SEPTIN8: variants seen among roughly 807,000 people sequenced by gnomAD.
SEPTIN8 encodes septin 8, also known as septin-8.
In SEPTIN8, 22 loss-of-function variants were observed where a neutral mutation model predicts 53.1. That is an observed-to-expected ratio of 0.41 (90% CI 0.30 to 0.59). SEPTIN8 has a LOEUF of 0.59. Among genes scored for constraint, SEPTIN8 ranks in the 20% least tolerant of loss-of-function variants. The pLI, the probability that SEPTIN8 is intolerant of heterozygous loss-of-function variation, is 0.24. For synonymous variants in SEPTIN8, 228 were observed against 248.4 expected, an observed-to-expected ratio of 0.92 and a Z score of 0.77; for missense variants, 536 against 638.7, an observed-to-expected ratio of 0.84 and a Z score of 1.73.
At position 132,760,917 on chromosome 5, in the gene SEPTIN8, G is replaced by T; in HGVS notation, c.1171C>A (p.Leu391Met). The change falls in exon 9 of 10, where the codon CTG becomes ATG. Residue 391 changes from leucine to methionine, a missense_variant. By Grantham distance (15) the Leu-to-Met change is conservative (BLOSUM62 2). Coordinates refer to ENST00000378719, the MANE Select transcript of SEPTIN8 (RefSeq NM_001098811.2). The surrounding 1 kb of genome is among the most constrained non-coding windows in gnomAD (Gnocchi z 5.2). ...TTGAAGGCGTTGGTCTCCTCCTCCAGTTCCCGGCGCTTTTCCTCCACCTTG... is the reference window on the plus strand; with the variant it reads ...TTGAAGGCGTTGGTCTCCTCCTCCATTTCCCGGCGCTTTTCCTCCACCTTG... ...KRKVEEKRRE[L>M]EEETNAFNRR... is the part of the protein sequence containing the mutation. The T allele has an allele frequency of 6.2e-7, 1 of 1,607,342 alleles. No homozygotes were observed. The highest frequency in any genetic ancestry group is 8.5e-7 in the Non-Finnish European group (1 of 1,177,772).
intron 9 of SEPTIN8, chr5:132,756,262 C>G: frequency 1.0e-6 from 1 of 985,340 alleles, no homozygotes; most frequent in Non-Finnish European, 1.2e-6. Context: ...ATCAGGGTAC[C>G]CACAACTAGA....
intron 9 of SEPTIN8, among the ~76,000 whole-genome samples, chr5:132,759,424 A>T (rs1237872586): frequency 6.6e-6 from 1 of 152,104 alleles, no homozygotes; most frequent in Non-Finnish European, 1.5e-5. Context: ...GCCTGCCTGC[A>T]CCCACCTTCA....
rs1581144239 is a variant in SEPTIN8, at chr5:132,758,673, G to A, written c.1286+2129C>T. On this transcript the variant is annotated intron_variant, in intron 9 of 9. Transcript: ENST00000378719. ...AGCCTGGGGCCAGGGTCGGTGGGAG[G>A]AAAGCAAGGCTGTAAACACTGGAGT... 3 of 1,594,598 alleles carry A rather than the reference G, an allele frequency of 1.9e-6. No individual in the cohort carries two copies. In the East Asian group the frequency reaches 6.8e-5, roughly 36 times the overall value.
At position 132,751,248 on chromosome 5, in the gene SEPTIN8, G is replaced by A. The variant is rs1754819941; in HGVS notation, c.*768C>T. On this transcript the variant is annotated 3_prime_UTR_variant, in exon 10 of 10. Coordinates refer to ENST00000378719, the MANE Select transcript of SEPTIN8 (RefSeq NM_001098811.2). ...AAAGATTTTTAGACGGCACTATTAT[G>A]GTGAGTTTCTCTTTTAAATACACAC... The A allele has an allele frequency of 4.9e-6, 2 of 404,298 alleles. No homozygotes were observed. The highest frequency in any genetic ancestry group is 8.2e-5 in the Admixed American group (2 of 24,286). The allele number at this position is 404,298 out of a possible 1,614,324, so 25.0% of individuals were successfully genotyped here. A position where few individuals can be genotyped will look rare whatever the true frequency, so the allele number is the denominator to read the frequency against.
upstream of SEPTIN8, chr5:132,777,456 G>A (rs915917412): frequency 4.0e-6 from 4 of 988,340 alleles, no homozygotes; most frequent in South Asian, 4.7e-5. The surrounding 1 kb of genome is among the most constrained non-coding windows in gnomAD (Gnocchi z 4.1). Context: ...GCGCGTTGGG[G>A]GACCGGGACG....
In SEPTIN8 at chr5:132,761,859, T is replaced by A. The variant is rs531657520; in HGVS notation, c.734A>T (p.Glu245Val). 6.9e-6 allele frequency: 11 copies of A among 1,604,422 alleles called. No homozygotes were observed. The highest frequency in any genetic ancestry group is 5.3e-5 in the African/African-American group (4 of 74,822). ...GACCAGCTTGTTCCCCACCTTCACCTCCTCGGTGCTGCCCACCACGGCAAA... is the reference window on the plus strand; with the variant it reads ...GACCAGCTTGTTCCCCACCTTCACCACCTCGGTGCTGCCCACCACGGCAAA... ...LPFAVVGSTEEVKVGNKLVRA... is the reference protein window; with the variant it reads ...LPFAVVGSTEVVKVGNKLVRA... The change falls in exon 6 of 10, where the codon GAG becomes GTG. Residue 245 changes from glutamate (E) to valine (V), a missense_variant. Around this residue, in one of 3 missense-constraint regions of SEPTIN8, gnomAD observed 395 missense variants for 451.8 expected, o/e 0.87. Coordinates refer to ENST00000378719, the MANE Select transcript of SEPTIN8 (RefSeq NM_001098811.2). The surrounding 1 kb of genome is among the most constrained non-coding windows in gnomAD (Gnocchi z 5.8).
intron 9 of SEPTIN8, chr5:132,756,643 G>T: frequency 1.0e-6 from 1 of 985,470 alleles, no homozygotes; most frequent in Non-Finnish European, 1.2e-6. Flanking sequence ...ACAAACAGCA[G>T]GGGAGAGGTG....
upstream of SEPTIN8, chr5:132,777,656 A>G (rs1757927275): frequency 8.1e-6 from 8 of 985,410 alleles, no homozygotes; most frequent in Middle Eastern, 5.2e-4. The surrounding 1 kb of genome is among the most constrained non-coding windows in gnomAD (Gnocchi z 4.1). Flanking sequence ...GGAGCCTGCA[A>G]ATGTGCTGGG....
chr5:132,766,165 C>T (rs976474228), intron 1 of SEPTIN8, among the ~76,000 whole-genome samples: 2 of 152,060 alleles, frequency 1.3e-5, no homozygotes, highest in African/African-American at 4.8e-5. Flanking sequence ...ACTCACACAA[C>T]CCCCCCGTGG....
chr5:132,754,306 G>A (rs1300194613), intron 9 of SEPTIN8: 8 of 678,848 alleles, frequency 1.2e-5, no homozygotes, highest in Non-Finnish European at 2.2e-5. Flanking sequence ...CTGAGGCCAT[G>A]CTGCTCACAG....
intron 9 of SEPTIN8, chr5:132,752,801 C>A: frequency 7.0e-7 from 1 of 1,420,814 alleles, no homozygotes; most frequent in Non-Finnish European, 9.9e-7. Context: ...TTTTGGCACT[C>A]AATTGCCAAT....
chr5:132,763,992 C>A, intron 3 of SEPTIN8, 100 bp from the exon 4 acceptor site: 1 of 1,269,910 alleles, frequency 7.9e-7, no homozygotes, highest in Non-Finnish European at 1.1e-6. Flanking sequence ...GCCCCCTGGC[C>A]TTTTCTTTCT....
intron 9 of SEPTIN8, chr5:132,754,229 A>G: frequency 1.8e-6 from 1 of 569,370 alleles, no homozygotes; most frequent in South Asian, 2.4e-5. Flanking sequence ...ATACATTTGG[A>G]ACACTATCTC....
rs141664835 is a variant in SEPTIN8, at chr5:132,750,963, T to C, written c.*1053A>G. The C allele has an allele frequency of 1.7e-4, 277 of 1,614,118 alleles. No individual in the cohort carries two copies. Among genetic ancestry groups the C allele is most frequent in the Non-Finnish European group, 2.1e-4 (248 of 1,180,040 alleles). On this transcript the variant is annotated 3_prime_UTR_variant, in exon 10 of 10. Coordinates refer to ENST00000378719, the MANE Select transcript of SEPTIN8 (RefSeq NM_001098811.2). ...ATTCTGGACAGACTGCACTGGGACC[T>C]CTATATTGGGACGCCGCTGGACTTC...
upstream of SEPTIN8, among the ~76,000 whole-genome samples, chr5:132,778,397 C>T (rs953918190): frequency 1.4e-4 from 22 of 152,298 alleles, no homozygotes; most frequent in African/African-American, 5.1e-4. Flanking sequence ...AAGAGGAGCC[C>T]CCTCTCTGCT....
intron 4 of SEPTIN8, 31 bp from the exon 5 acceptor site, chr5:132,762,676 T>C: frequency 6.2e-7 from 1 of 1,613,354 alleles, no homozygotes; most frequent in Non-Finnish European, 8.5e-7. Flanking sequence ...GACAGCAGGC[T>C]GGTTGGCTCT....
intron 9 of SEPTIN8, chr5:132,755,929 C>T: frequency 2.1e-6 from 2 of 970,676 alleles, no homozygotes; most frequent in Non-Finnish European, 2.4e-6. Context: ...TATTTTACCA[C>T]AGTTGTAGCA....
intron 9 of SEPTIN8, chr5:132,757,825 T>C: frequency 2.0e-6 from 2 of 985,480 alleles, no homozygotes; most frequent in South Asian, 9.4e-5. Flanking sequence ...CCGCTCATTT[T>C]TCCCTAATTG....
Position 132,765,514 on chromosome 5 carries a change from G to C in SEPTIN8, c.46C>G (p.Pro16Ala). Reference sequence around the variant, plus strand: ...TGGCCGCCCAGGGAGAGGCTCCGGGGCTCTGGCTCTGCATTCTGCCAAGAG... The same window carrying C: ...TGGCCGCCCAGGGAGAGGCTCCGGGCCTCTGGCTCTGCATTCTGCCAAGAG... ...LERFSNAEPE[P>A]RSLSLGGHVG... Residue 16 changes from proline (P) to alanine (A), a missense_variant, in exon 2 of 10, where the codon CCC becomes GCC. Pro to Ala is a conservative substitution (Grantham distance 27, BLOSUM62 -1). This residue lies in a region of SEPTIN8 where 395 missense variants were observed against 451.8 expected (regional missense o/e 0.87). Coordinates refer to ENST00000378719, the MANE Select transcript of SEPTIN8 (RefSeq NM_001098811.2). The C allele has an allele frequency of 6.2e-7, 1 of 1,602,850 alleles. No homozygotes were observed. The highest frequency in any genetic ancestry group is 1.1e-5 in the South Asian group (1 of 89,150).
Sources: allele counts gnomAD v4.1 joint callset (sites outside exome capture counted in the v4.1 genomes callset), GRCh38; gene constraint gnomAD v4.1.1; regional missense constraint gnomAD v4.1.1; non-coding constraint Gnocchi (gnomAD v3.1); transcripts MANE v1.5; gene names NCBI Gene and HGNC (gene_info 2026-07-23, HGNC 2026-07-21).